Variants in ZNF385D observed in about 807,000 individuals in gnomAD.
ZNF385D encodes the protein zinc finger protein 385D, also known as zinc finger protein 659.
ZNF385D carries 15 observed loss-of-function variants against 35.8 expected under a neutral mutation model. The ratio of observed to expected loss-of-function variants is 0.42; its 90% CI spans 0.28 to 0.64. The LOEUF is 0.64. Among genes scored for constraint, ZNF385D ranks in the 30% least tolerant of loss-of-function variants. ZNF385D has a pLI of 0.23. For missense variants in ZNF385D, 474 were observed against 494.6 expected (o/e 0.96, Z 0.39); for synonymous variants, 212 against 186.8 (o/e 1.13, Z -1.10).
At chr3:22,200,955 G>T (rs1221789543) in intron 2 of ZNF385D, among the ~76,000 whole-genome samples, 1 of 152,070 alleles carries the variant, frequency 6.6e-6, no homozygotes, top group Non-Finnish European at 1.5e-5. Flanking sequence ...AAGGTGTCCA[G>T]ATTTCATATT....
intron 4 of ZNF385D, 75 bp downstream of exon 4, chr3:21,510,786 G>A: frequency 6.4e-7 from 1 of 1,574,718 alleles, no homozygotes; most frequent in Non-Finnish European, 8.7e-7. Context: ...TAAGTAAACA[G>A]ACATGGGGCT....
In ZNF385D at chr3:21,717,222, A is replaced by G. The variant is rs985396490; in HGVS notation, c.22+33673T>C. ...CTGAGTAGGCACTGACTGAAAAAAT[A>G]CAAGGCAAAAGTTTTTGTGAATACA... is the stretch of plus-strand genomic sequence containing the variant. On this transcript the variant is annotated intron_variant, in intron 1 of 7. Transcript: ENST00000281523. Among the ~76,000 whole-genome samples the G allele has an allele frequency of 6.6e-5, 10 of 152,348 alleles. No homozygotes were observed. In the East Asian group the frequency reaches 1.5e-3, roughly 23 times the overall value.
At chr3:21,577,103 T>A (rs1023294768) in intron 2 of ZNF385D, among the ~76,000 whole-genome samples, 1 of 152,206 alleles carries the variant, frequency 6.6e-6, no homozygotes, top group East Asian at 1.9e-4. Flanking sequence ...ATAGAACTTA[T>A]TCTTCCTATC....
chr3:21,735,363 C>T (rs1046384086), intron 1 of ZNF385D, among the ~76,000 whole-genome samples: 1 of 152,100 alleles, frequency 6.6e-6, no homozygotes, highest in Non-Finnish European at 1.5e-5. Flanking sequence ...GAATTCTAGG[C>T]GGCCCTATTT....
intron 2 of ZNF385D, among the ~76,000 whole-genome samples, chr3:22,282,762 A>G (rs187153043): frequency 7.6e-4 from 116 of 152,228 alleles, no homozygotes; most frequent in Non-Finnish European, 1.8e-4. Flanking sequence ...CAGGACCTAT[A>G]AAATTATAAC....
At chr3:21,619,717 T>C (rs922921043) in intron 2 of ZNF385D, among the ~76,000 whole-genome samples, 3 of 152,148 alleles carry the variant, frequency 2.0e-5, no homozygotes, top group Admixed American at 2.0e-4. Flanking sequence ...CCTGGCCTGC[T>C]GAGGGACTAA....
At chr3:21,466,480 A>C (rs1406741984) in intron 4 of ZNF385D, among the ~76,000 whole-genome samples, 1 of 152,106 alleles carries the variant, frequency 6.6e-6, no homozygotes, top group African/African-American at 2.4e-5. Flanking sequence ...TGAAGCCTTC[A>C]AGGATACCCT....
intron 3 of ZNF385D, among the ~76,000 whole-genome samples, chr3:21,915,476 T>A (rs1221402883): frequency 2.0e-5 from 3 of 152,170 alleles, no homozygotes; most frequent in Non-Finnish European, 4.4e-5. Context: ...ATTCTTTTAA[T>A]GTTCTAGTTT....
At chr3:22,301,523 G>A (rs1019702970) in intron 2 of ZNF385D, among the ~76,000 whole-genome samples, 4 of 151,830 alleles carry the variant, frequency 2.6e-5, no homozygotes, top group Non-Finnish European at 5.9e-5. Flanking sequence ...ACATCATATT[G>A]TACACAATAT....
intron 3 of ZNF385D, among the ~76,000 whole-genome samples, chr3:21,970,167 A>G (rs1041678666): frequency 6.6e-6 from 1 of 152,190 alleles, no homozygotes; most frequent in African/African-American, 2.4e-5. Flanking sequence ...TCTGACACCA[A>G]TAACACTGAC....
chr3:21,582,575 G>A (rs1049626654), intron 2 of ZNF385D, among the ~76,000 whole-genome samples: 2 of 152,140 alleles, frequency 1.3e-5, no homozygotes, highest in Non-Finnish European at 2.9e-5. Context: ...TAAAGGTCAA[G>A]TGTTCAGCAA....
intron 3 of ZNF385D, among the ~76,000 whole-genome samples, chr3:21,543,411 G>T (rs2125570703): frequency 6.6e-6 from 1 of 152,144 alleles, no homozygotes; most frequent in South Asian, 2.1e-4. Context: ...GGGGGTCGGG[G>T]GCCTTTTCAC....
intron 3 of ZNF385D, among the ~76,000 whole-genome samples, chr3:21,813,651 A>G (rs966278919): frequency 6.6e-6 from 1 of 151,988 alleles, no homozygotes; most frequent in African/African-American, 2.4e-5. Context: ...AAGTTTAGAG[A>G]AAAAAGAGTA....
chr3:21,701,527 C>A (rs55877448), intron 1 of ZNF385D, among the ~76,000 whole-genome samples: 2 of 152,050 alleles, frequency 1.3e-5, no homozygotes, highest in East Asian at 1.9e-4. Flanking sequence ...AACCTGGCCC[C>A]TCCAAATCTC....
intron 3 of ZNF385D, among the ~76,000 whole-genome samples, chr3:21,773,488 A>G (rs2071161565): frequency 6.6e-6 from 1 of 152,004 alleles, no homozygotes; most frequent in Non-Finnish European, 1.5e-5. Context: ...GACAACCTAA[A>G]GAATCAGAGA....
At chr3:21,517,091 T>C (rs928075863) in intron 3 of ZNF385D, among the ~76,000 whole-genome samples, 1 of 151,924 alleles carries the variant, frequency 6.6e-6, no homozygotes, top group African/African-American at 2.4e-5. Context: ...TAAAATTTTA[T>C]CTTTTTTTAA....
intron 4 of ZNF385D, among the ~76,000 whole-genome samples, chr3:21,487,232 T>C (rs1705099960): frequency 6.6e-6 from 1 of 152,156 alleles, no homozygotes; most frequent in Admixed American, 6.6e-5. Flanking sequence ...TTTTTCTAAC[T>C]CTTTAACATT....
At chr3:21,760,048 AAAGG>A (rs769992247) in intron 3 of ZNF385D, among the ~76,000 whole-genome samples, 1 of 152,224 alleles carries the variant, frequency 6.6e-6, no homozygotes, top group Non-Finnish European at 1.5e-5. Flanking sequence ...TGAAATACAT[AAAGG>A]AAGTGTGTAA....
At chr3:22,126,465 T>C (rs942392633) in intron 3 of ZNF385D, among the ~76,000 whole-genome samples, 2 of 152,074 alleles carry the variant, frequency 1.3e-5, no homozygotes, top group Admixed American at 6.6e-5. Flanking sequence ...AGGAGCATAT[T>C]GTTTACTTTC....
Sources: allele counts gnomAD v4.1 joint callset (sites outside exome capture counted in the v4.1 genomes callset), GRCh38; gene constraint gnomAD v4.1.1; transcripts MANE v1.5; gene names NCBI Gene and HGNC (gene_info 2026-07-23, HGNC 2026-07-21).